UHRF2: variants seen among roughly 807,000 people sequenced by gnomAD.
UHRF2 encodes E3 ubiquitin-protein ligase UHRF2.
UHRF2 carries 23 observed loss-of-function variants against 96.8 expected under a neutral mutation model. The observed-to-expected ratio is 0.24, with a 90% CI of 0.17 to 0.34. The LOEUF (loss-of-function observed/expected upper bound fraction) is 0.34, where lower values mean the gene tolerates loss of function less well. UHRF2 is among the 10% of genes least tolerant of loss of function. The pLI, the probability that UHRF2 is intolerant of heterozygous loss-of-function variation, is 1.00. For synonymous variants in UHRF2, 385 were observed against 332.6 expected (o/e 1.16, Z -1.72); for missense variants, 685 against 981.5 (o/e 0.70, Z 4.04).
At chr9:6,466,601 A>G (rs1330935585) in intron 4 of UHRF2, among the ~76,000 whole-genome samples, 1 of 146,084 alleles carries the variant, frequency 6.8e-6, no homozygotes. Context: ...GTTCAGTGTC[A>G]TTTTTACAGA....
At chr9:6,499,797 A>C in intron 12 of UHRF2, 38 bp from the exon 13 acceptor site, 3 of 1,307,936 alleles carry the variant, frequency 2.3e-6, no homozygotes, top group Non-Finnish European at 3.1e-6. Context: ...TGTGAAGCTT[A>C]AATCTGCATT....
chr9:6,423,667 C>T (rs1352254320), intron 2 of UHRF2, among the ~76,000 whole-genome samples: 9 of 149,536 alleles, frequency 6.0e-5, no homozygotes, highest in South Asian at 2.1e-4. Flanking sequence ...AAGTCTCGGC[C>T]GGGCGTGGTG....
intron 10 of UHRF2, 103 bp from the exon 11 acceptor site, chr9:6,497,095 A>T (rs1319725535): frequency 6.1e-6 from 6 of 976,372 alleles, no homozygotes; most frequent in Non-Finnish European, 7.4e-6. Context: ...ATAGAATCTT[A>T]ACCATCAGGT....
chr9:6,444,650 G>A (rs1240706240), intron 3 of UHRF2, among the ~76,000 whole-genome samples: 1 of 152,092 alleles, frequency 6.6e-6, no homozygotes, highest in Non-Finnish European at 1.5e-5. Context: ...TGCTTAGGCT[G>A]GAGTACAATG....
intron 3 of UHRF2, among the ~76,000 whole-genome samples, chr9:6,438,435 T>C (rs1428816742): frequency 6.6e-6 from 1 of 152,244 alleles, no homozygotes; most frequent in Non-Finnish European, 1.5e-5. Flanking sequence ...TTTAACTAAA[T>C]AGGCTTTAAG....
chr9:6,500,849 G>A, intron 14 of UHRF2, 140 bp downstream of exon 14: 1 of 735,688 alleles, frequency 1.4e-6, no homozygotes, highest in South Asian at 2.3e-5. Flanking sequence ...CTACCTTTCA[G>A]AAATAATCTG....
chr9:6,445,424 G>A (rs1444317310), intron 3 of UHRF2, among the ~76,000 whole-genome samples: 1 of 152,098 alleles, frequency 6.6e-6, no homozygotes, highest in Middle Eastern at 3.4e-3. Flanking sequence ...ACCACATTCG[G>A]CTAATTTTGT....
Position 6,467,143 on chromosome 9 carries a change from G to A in UHRF2, c.863+6352G>A, listed in dbSNP as rs1027071223. ...CTAGGCAAAAATCATTGTTAGCAGG[G>A]ATATGATTCAGTTTTGTAGACTCTA... On this transcript the variant is annotated intron_variant, in intron 4 of 15. Coordinates refer to ENST00000276893, the MANE Select transcript of UHRF2 (RefSeq NM_152896.3). 3.3e-5 allele frequency among the ~76,000 whole-genome samples: 5 copies of A among 152,166 alleles called. No individual in the cohort carries two copies. In the South Asian group the frequency reaches 8.3e-4, roughly 25 times the overall value.
At chr9:6,486,800 C>T (rs1012663603) in intron 8 of UHRF2, 21 bp from the exon 9 acceptor site, 2 of 1,610,234 alleles carry the variant, frequency 1.2e-6, no homozygotes, top group African/African-American at 2.7e-5. Context: ...TATTTTGAGA[C>T]TCTCTTTAAT....
intron 4 of UHRF2, among the ~76,000 whole-genome samples, chr9:6,467,164 C>T (rs186674379): frequency 6.6e-6 from 1 of 152,160 alleles, no homozygotes; most frequent in African/African-American, 2.4e-5. Context: ...GTTTTGTAGA[C>T]TCTAAGGGAG....
At chr9:6,487,005 A>C in intron 9 of UHRF2, 80 bp downstream of exon 9, 1 of 1,314,428 alleles carries the variant, frequency 7.6e-7, no homozygotes, top group Non-Finnish European at 1.1e-6. Flanking sequence ...AGGATACATC[A>C]AATACTGTTG....
chr9:6,440,056 G>A (rs971502775), intron 3 of UHRF2, among the ~76,000 whole-genome samples: 1 of 152,088 alleles, frequency 6.6e-6, no homozygotes, highest in Non-Finnish European at 1.5e-5. Flanking sequence ...TATCCTTTCT[G>A]TAGTTAAGAT....
chr9:6,484,933 A>G (rs1824177510), intron 8 of UHRF2, among the ~76,000 whole-genome samples: 1 of 151,328 alleles, frequency 6.6e-6, no homozygotes, highest in Non-Finnish European at 1.5e-5. Flanking sequence ...AGCTGGTATT[A>G]CAGGTATACG....
chr9:6,487,590 C>T (rs940644914), intron 9 of UHRF2, among the ~76,000 whole-genome samples: 2 of 152,250 alleles, frequency 1.3e-5, no homozygotes, highest in East Asian at 1.9e-4. Flanking sequence ...TGGTCTCGAA[C>T]TCCTGACCTC....
At chr9:6,447,320 G>C (rs1232294095) in intron 3 of UHRF2, among the ~76,000 whole-genome samples, 1 of 152,120 alleles carries the variant, frequency 6.6e-6, no homozygotes, top group Non-Finnish European at 1.5e-5. Flanking sequence ...TAGTAAGTTG[G>C]ACATGTTTCC....
At position 6,506,417 on chromosome 9, in the gene UHRF2, C is replaced by T; in HGVS notation, c.*238C>T. 2.6e-6 allele frequency: 1 copy of T among 387,256 alleles called. No homozygotes were observed. Among genetic ancestry groups the T allele is most frequent in the Non-Finnish European group, 4.5e-6 (1 of 221,362 alleles). The allele number at this position is 387,256 out of a possible 1,614,324, so 24.0% of individuals were successfully genotyped here. On this transcript the variant is annotated 3_prime_UTR_variant, in exon 16 of 16. Transcript: ENST00000276893. ...GTTTTAATGAGTAAAAAGTCAAAGCCTCAGCTCTAGTTGATATCCAAGTTA... is the reference window on the plus strand; with the variant it reads ...GTTTTAATGAGTAAAAAGTCAAAGCTTCAGCTCTAGTTGATATCCAAGTTA...
intron 9 of UHRF2, among the ~76,000 whole-genome samples, chr9:6,489,722 G>GT (rs1273706902): frequency 1.5e-5 from 2 of 134,536 alleles, no homozygotes; most frequent in Non-Finnish European, 3.1e-5. Flanking sequence ...TTCTAATTGG[G>GT]TTTTTGTTTT....
intron 3 of UHRF2, among the ~76,000 whole-genome samples, chr9:6,459,663 C>T (rs971842079): frequency 1.3e-5 from 2 of 152,102 alleles, no homozygotes; most frequent in African/African-American, 4.8e-5. Flanking sequence ...AGTAAGACTC[C>T]ATCTCACAAA....
At chr9:6,446,594 A>G (rs996911364) in intron 3 of UHRF2, among the ~76,000 whole-genome samples, 2 of 151,380 alleles carry the variant, frequency 1.3e-5, no homozygotes, top group Admixed American at 1.3e-4. Flanking sequence ...TATTCCTGTA[A>G]TCCCAGCAGT....
Sources: gnomAD v4.1 joint callset for allele counts (sites outside exome capture counted in the v4.1 genomes callset) on GRCh38, gnomAD v4.1.1 for gene constraint, MANE v1.5 for transcripts, NCBI Gene and HGNC (gene_info 2026-07-23, HGNC 2026-07-21) for gene names.